Variants in PKNOX1 observed in about 807,000 individuals in gnomAD.
The protein encoded by PKNOX1 is homeobox protein PKNOX1.
In PKNOX1, 15 loss-of-function variants were observed where a neutral mutation model predicts 51.9. The observed-to-expected ratio is 0.29, with a 90% CI of 0.19 to 0.45. The LOEUF is 0.45. Among genes scored for constraint, PKNOX1 ranks in the 20% least tolerant of loss-of-function variants. PKNOX1 has a pLI of 1.00. For synonymous variants in PKNOX1, 219 were observed against 211.1 expected, an observed-to-expected ratio of 1.04 and a Z score of -0.32; for missense variants, 462 against 547.5, an observed-to-expected ratio of 0.84 and a Z score of 1.56.
intron 1 of PKNOX1, among the ~76,000 whole-genome samples, chr21:42,984,530 A>G (rs2059042116): frequency 6.6e-6 from 1 of 152,042 alleles, no homozygotes; most frequent in Non-Finnish European, 1.5e-5. Context: ...CTGGGATTAC[A>G]GGCATGTGCC....
At chr21:42,987,404 AATATATATAT>A (rs1170402960) in intron 1 of PKNOX1, among the ~76,000 whole-genome samples, 4 of 41,410 alleles carry the variant, frequency 9.7e-5, no homozygotes, top group Non-Finnish European at 1.9e-4. Flanking sequence ...AAAAAAAAAA[AATATATATAT>A]ATATATATAT....
intron 9 of PKNOX1, among the ~76,000 whole-genome samples, chr21:43,026,758 A>G (rs185428811): frequency 2.6e-5 from 4 of 152,032 alleles, no homozygotes; most frequent in East Asian, 3.9e-4. Flanking sequence ...CTCAGTCTCA[A>G]AAAAAAAGAA....
chr21:42,998,670 G>A (rs1490507367), intron 1 of PKNOX1, among the ~76,000 whole-genome samples: 1 of 152,194 alleles, frequency 6.6e-6, no homozygotes, highest in African/African-American at 2.4e-5. Flanking sequence ...AGGCTCCCAT[G>A]TAAGTCTGAA....
chr21:42,984,085 T>C (rs1435900558), intron 1 of PKNOX1, among the ~76,000 whole-genome samples: 1 of 2,070 alleles, frequency 4.8e-4, no homozygotes, highest in Non-Finnish European at 1.5e-3. Context: ...TGTGTGTGCG[T>C]GTGTGTGTGT....
chr21:43,006,275 C>T (rs1241985123), intron 2 of PKNOX1, among the ~76,000 whole-genome samples: 1 of 152,116 alleles, frequency 6.6e-6, no homozygotes, highest in Non-Finnish European at 1.5e-5. Flanking sequence ...AGGTGTGTGC[C>T]ACCACGCCCA....
At chr21:42,994,331 T>C in intron 1 of PKNOX1, among the ~76,000 whole-genome samples, 2 of 125,960 alleles carry the variant, frequency 1.6e-5, no homozygotes, top group African/African-American at 3.1e-5. Flanking sequence ...CGTGAGCCAC[T>C]GCACCCAGCC....
rs968181762 is a variant in PKNOX1, at chr21:43,021,184, G to A, written c.721-119G>A. 2.6e-6 allele frequency: 2 copies of A among 761,816 alleles called. No individual in the cohort carries two copies. The highest frequency in any genetic ancestry group is 1.8e-5 in the African/African-American group (1 of 56,702). 47.2% of individuals were successfully genotyped at this position (761,816 alleles called of 1,614,324 possible). A position where few individuals can be genotyped will look rare whatever the true frequency, so the allele number is the denominator to read the frequency against. On this transcript the variant is annotated intron_variant, in intron 7 of 10. Coordinates refer to ENST00000291547, the MANE Select transcript of PKNOX1 (RefSeq NM_004571.5). This position sits in a 1 kb window ranked among gnomAD's most constrained non-coding sequence, Gnocchi z 4.6. ...GTCCACACAGGGTTCCCGTGCATGG[G>A]CCTCGACTACAATCATTTCCCTGTC...
At chr21:43,022,933 T>C (rs771580369) in intron 8 of PKNOX1, among the ~76,000 whole-genome samples, 8 of 152,202 alleles carry the variant, frequency 5.3e-5, no homozygotes, top group Non-Finnish European at 1.2e-4. Flanking sequence ...AACATAATGA[T>C]AGAACAACAC....
chr21:43,020,269 G>A (rs1979695121), intron 7 of PKNOX1, among the ~76,000 whole-genome samples: 1 of 152,210 alleles, frequency 6.6e-6, no homozygotes, highest in South Asian at 2.1e-4. Flanking sequence ...TAAACAGGCT[G>A]ACCTATCCAT....
intron 1 of PKNOX1, among the ~76,000 whole-genome samples, chr21:43,002,099 C>T (rs976322718): frequency 1.6e-4 from 24 of 152,258 alleles, no homozygotes; most frequent in Admixed American, 1.4e-3. Context: ...CTCAAGTGGT[C>T]CTTCCACATC....
At chr21:43,015,235 T>C (rs1472222467) in intron 5 of PKNOX1, among the ~76,000 whole-genome samples, 2 of 152,270 alleles carry the variant, frequency 1.3e-5, no homozygotes, top group Non-Finnish European at 2.9e-5. Context: ...TCTTTCTAGA[T>C]GCTCTTTATC....
rs775041193 is a variant in PKNOX1 at position 43,032,126 on chromosome 21, C to G, written c.*2025C>G. ...CTGCCTGCCTCAGCCTCCCAAAGTG[C>G]TGGGATTACAGGTGTGAGCCACCGC... On this transcript the variant is annotated 3_prime_UTR_variant, in exon 11 of 11. Transcript: ENST00000291547. The G allele has an allele frequency of 2.2e-6, 1 of 455,326 alleles. No homozygotes were observed. Among genetic ancestry groups the G allele is most frequent in the Non-Finnish European group, 4.4e-6 (1 of 226,506 alleles). 28.2% of individuals were successfully genotyped at this position (455,326 alleles called of 1,614,324 possible). A position where few individuals can be genotyped will look rare whatever the true frequency, so the allele number is the denominator to read the frequency against.
chr21:43,004,291 C>G, intron 1 of PKNOX1, 35 bp from the exon 2 acceptor site: 1 of 886,868 alleles, frequency 1.1e-6, no homozygotes, highest in Admixed American at 1.8e-5. Context: ...TGCTCTACAA[C>G]TATTAACTGA....
chr21:43,013,299 A>C, intron 5 of PKNOX1, 61 bp downstream of exon 5: 6 of 1,226,592 alleles, frequency 4.9e-6, no homozygotes, highest in Non-Finnish European at 6.8e-6. Flanking sequence ...GCATTGAGTC[A>C]TGAGACCACC....
rs1408568120 is a variant in PKNOX1, at chr21:43,018,470, CCACCCACACACA to C, written c.720+244_720+255del. ...AAAAGTCACTCATAACCACCCCCTG[CCACCCACACACA>C]CACACACACACACACACACACACAC... is the stretch of plus-strand genomic sequence containing the variant. On this transcript the variant is annotated intron_variant, in intron 7 of 10. Coordinates refer to ENST00000291547, the MANE Select transcript of PKNOX1 (RefSeq NM_004571.5). Among the ~76,000 whole-genome samples the C allele has an allele frequency of 2.0e-4, 3 of 15,120 alleles. 1 individual carries two copies. Among genetic ancestry groups the C allele is most frequent in the African/African-American group, 8.9e-4 (3 of 3,360 alleles). 9.9% of individuals were successfully genotyped at this position (15,120 alleles called of 152,430 possible).
intron 1 of PKNOX1, among the ~76,000 whole-genome samples, chr21:42,984,910 G>GAT (rs10681898): frequency 3.3e-3 from 6 of 1,820 alleles, no homozygotes; most frequent in Non-Finnish European, 0.011. Flanking sequence ...GGCAGTGCCT[G>GAT]AGAGAGGCTG....
rs1980323181 is a variant in PKNOX1 at position 43,032,565 on chromosome 21, A to G, written c.*2464A>G. On this transcript the variant is annotated 3_prime_UTR_variant, in exon 11 of 11. Transcript: ENST00000291547. ...CAGGAGTTTGAGGCTGCAGTGCACTATGCTTGCACCTGTGAATAGCCACTG... is the reference window on the plus strand; with the variant it reads ...CAGGAGTTTGAGGCTGCAGTGCACTGTGCTTGCACCTGTGAATAGCCACTG... 5.1e-6 allele frequency: 1 copy of G among 195,784 alleles called. No homozygotes were observed. 12.1% of individuals were successfully genotyped at this position (195,784 alleles called of 1,614,324 possible). A position where few individuals can be genotyped will look rare whatever the true frequency, so the allele number is the denominator to read the frequency against.
intron 1 of PKNOX1, among the ~76,000 whole-genome samples, chr21:42,992,351 C>T (rs949994527): frequency 2.6e-5 from 4 of 152,202 alleles, no homozygotes; most frequent in African/African-American, 9.6e-5. Flanking sequence ...CACCCAACCT[C>T]TGGTACATCT....
Position 43,028,777 on chromosome 21 carries a change from A to C in PKNOX1, c.1002A>C (p.Lys334Asn). The change falls in exon 10 of 11, where the codon AAA (lysine) becomes AAC (asparagine). Residue 334 changes from lysine (K) to asparagine (N), a missense_variant. By Grantham distance (94) the Lys-to-Asn change is moderately conservative. Coordinates refer to ENST00000291547, the MANE Select transcript of PKNOX1 (RefSeq NM_004571.5). ...SSCSETPKTK[K>N]KTAQNRPVQR... ...GTTCAGAGACCCCCAAAACAAAGAA[A>C]AAAACTGCTCAGAACCGGCCAGTTC... The C allele has an allele frequency of 6.2e-7, 1 of 1,614,192 alleles. No homozygotes were observed. Among genetic ancestry groups the C allele is most frequent in the Non-Finnish European group, 8.5e-7 (1 of 1,180,036 alleles).
Sources: allele counts gnomAD v4.1 joint callset (sites outside exome capture counted in the v4.1 genomes callset), GRCh38; gene constraint gnomAD v4.1.1; non-coding constraint Gnocchi (gnomAD v3.1); transcripts MANE v1.5; gene names NCBI Gene and HGNC (gene_info 2026-07-23, HGNC 2026-07-21).